The following IMPDH1 variants were observed in gnomAD, a reference collection of about 807,000 sequenced individuals.
IMPDH1 encodes inosine monophosphate dehydrogenase 1.
A neutral mutation model predicts 73.5 loss-of-function variants in IMPDH1; 41 were observed. The observed-to-expected ratio is 0.56, with a 90% CI of 0.43 to 0.72. The LOEUF is 0.72. IMPDH1 is among the 30% of genes least tolerant of loss of function. The pLI, the probability that IMPDH1 is intolerant of heterozygous loss-of-function variation, is 0.00. For missense variants in IMPDH1, 645 were observed against 824.8 expected, an observed-to-expected ratio of 0.78 and a Z score of 2.67; for synonymous variants, 318 against 334.3, an observed-to-expected ratio of 0.95 and a Z score of 0.53.
chr7:128,409,512 C>T, intron 1 of IMPDH1, 28 bp from the exon 2 acceptor site: 2 of 1,613,474 alleles, frequency 1.2e-6, no homozygotes, highest in South Asian at 1.1e-5. Flanking sequence ...GTTTTTACGA[C>T]CTGTTCCCTC....
At chr7:128,405,722 G>A in intron 4 of IMPDH1, 45 bp downstream of exon 4, 2 of 1,515,996 alleles carry the variant, frequency 1.3e-6, no homozygotes, top group South Asian at 2.5e-5. Context: ...CGGGGGTCGC[G>A]GCGCGTGGAT....
chr7:128,404,261 T>G (rs549722848), intron 4 of IMPDH1, among the ~76,000 whole-genome samples: 1 of 152,076 alleles, frequency 6.6e-6, no homozygotes, highest in Non-Finnish European at 1.5e-5. Flanking sequence ...CGGAACAGCA[T>G]GGAGGGACCC....
chr7:128,402,366 A>T (rs1032738411), intron 5 of IMPDH1, among the ~76,000 whole-genome samples: 3 of 152,128 alleles, frequency 2.0e-5, no homozygotes, highest in African/African-American at 7.2e-5. Context: ...GCCTCCCAAA[A>T]TGCTGGGATT....
At position 128,396,911 on chromosome 7, in the gene IMPDH1, G is replaced by T. The variant is rs764633065; in HGVS notation, c.1165+21C>A. The T allele has an allele frequency of 3.2e-6, 5 of 1,567,090 alleles. No homozygotes were observed. In the Admixed American group the frequency reaches 8.3e-5, roughly 26 times the overall value. On this transcript the variant is annotated intron_variant, in intron 11 of 16. Coordinates refer to ENST00000338791, the MANE Select transcript of IMPDH1 (RefSeq NM_000883.4). The surrounding 1 kb of genome is among the most constrained non-coding windows in gnomAD (Gnocchi z 4.0). ...ATTGGAGGGGCAGGAGCAGGCGGGT[G>T]GGAGGCGACCCCGCACTCACCGTTC...
chr7:128,407,413 ACCTCTGAAC>A (rs1344242560), intron 3 of IMPDH1, among the ~76,000 whole-genome samples: 1 of 152,056 alleles, frequency 6.6e-6, no homozygotes, highest in Non-Finnish European at 1.5e-5. Context: ...TGTGGGAAGC[ACCTCTGAAC>A]CTTCAGCATT....
rs182215710 is a variant in IMPDH1, at chr7:128,396,906, C to T, written c.1165+26G>A. The T allele has an allele frequency of 1.4e-5, 21 of 1,538,032 alleles. No homozygotes were observed. The highest frequency in any genetic ancestry group is 1.8e-4 in the Middle Eastern group (1 of 5,502). Reference sequence around the variant, plus strand: ...TACTCATTGGAGGGGCAGGAGCAGGCGGGTGGGAGGCGACCCCGCACTCAC... The same window carrying T: ...TACTCATTGGAGGGGCAGGAGCAGGTGGGTGGGAGGCGACCCCGCACTCAC... On this transcript the variant is annotated intron_variant, in intron 11 of 16. Coordinates refer to ENST00000338791, the MANE Select transcript of IMPDH1 (RefSeq NM_000883.4). The surrounding 1 kb of genome is among the most constrained non-coding windows in gnomAD (Gnocchi z 4.0).
Position 128,394,798 on chromosome 7 carries a change from G to T in IMPDH1, c.1550+91C>A. 2 of 1,515,364 alleles carry T rather than the reference G, an allele frequency of 1.3e-6. No individual in the cohort carries two copies. Among genetic ancestry groups the T allele is most frequent in the Non-Finnish European group, 9.1e-7 (1 of 1,098,952 alleles). 93.9% of individuals were successfully genotyped at this position (1,515,364 alleles called of 1,614,324 possible). On this transcript the variant is annotated intron_variant, in intron 14 of 16. Coordinates refer to ENST00000338791, the MANE Select transcript of IMPDH1 (RefSeq NM_000883.4). The surrounding 1 kb of genome is among the most constrained non-coding windows in gnomAD (Gnocchi z 5.5). ...TCAGTTTCCAGAACCACCATATGGG[G>T]ACTGGCTGCCATCTGGGGAAGTCGG... is the stretch of plus-strand genomic sequence containing the variant.
intron 4 of IMPDH1, 152 bp downstream of exon 4, chr7:128,405,615 G>T: frequency 8.5e-7 from 1 of 1,173,896 alleles, no homozygotes; most frequent in Non-Finnish European, 1.1e-6. Context: ...CTCCGGCGCG[G>T]GCCTCCTTCC....
At position 128,392,846 on chromosome 7, in the gene IMPDH1, G is replaced by A; in HGVS notation, c.*161C>T. 1 of 693,196 alleles carries A rather than the reference G, an allele frequency of 1.4e-6. No individual in the cohort carries two copies. Among genetic ancestry groups the A allele is most frequent in the Non-Finnish European group, 2.5e-6 (1 of 396,528 alleles). The allele number at this position is 693,196 out of a possible 1,614,324, so 42.9% of individuals were successfully genotyped here. On this transcript the variant is annotated 3_prime_UTR_variant, in exon 17 of 17. Coordinates refer to ENST00000338791, the MANE Select transcript of IMPDH1 (RefSeq NM_000883.4). ...TGACTCTGCAGGGGATGCCGAGTGA[G>A]GGGCAGCAGTCCCCTCAGGACCTCC...
At chr7:128,399,752 A>G (rs188137008) in intron 9 of IMPDH1, among the ~76,000 whole-genome samples, 2 of 152,316 alleles carry the variant, frequency 1.3e-5, no homozygotes, top group Non-Finnish European at 2.9e-5. Context: ...AGTGTCAAAT[A>G]AATTTAACTG....
At chr7:128,405,961 C>G in intron 3 of IMPDH1, 96 bp from the exon 4 acceptor site, 1 of 1,152,754 alleles carries the variant, frequency 8.7e-7, no homozygotes, top group Middle Eastern at 3.6e-4. Flanking sequence ...CGCGCCGCGG[C>G]CACGCTGCTG....
At position 128,397,024 on chromosome 7, in the gene IMPDH1, T is replaced by C. The variant is rs1176813933; in HGVS notation, c.1075-2A>G. 1 of 1,611,660 alleles carries C rather than the reference T, an allele frequency of 6.2e-7. No individual in the cohort carries two copies. The highest frequency in any genetic ancestry group is 1.1e-5 in the South Asian group (1 of 91,036). On this transcript the variant is annotated splice_acceptor_variant, in intron 10 of 16. Coordinates refer to ENST00000338791, the MANE Select transcript of IMPDH1 (RefSeq NM_000883.4). LOFTEE classifies it high-confidence loss of function. Reference sequence around the variant, plus strand: ...CACCGAATTCCCTTGGGACGAGTCCTGTGAGAAAGGACGGAAGAGCTTGGG... The same window carrying C: ...CACCGAATTCCCTTGGGACGAGTCCCGTGAGAAAGGACGGAAGAGCTTGGG...
rs1798203504 is a variant in IMPDH1, at chr7:128,400,029, A to C, written c.874+66T>G. 4.0e-6 allele frequency: 5 copies of C among 1,257,668 alleles called. No homozygotes were observed. The South Asian group carries it at 5.9e-5, about 15-fold the overall frequency. The allele number at this position is 1,257,668 out of a possible 1,614,324, so 77.9% of individuals were successfully genotyped here. On this transcript the variant is annotated intron_variant, in intron 9 of 16. Transcript: ENST00000338791. ...GCTGGGATAACCTGTAAGGCTGTGA[A>C]GGAACAACGGGACTGTGGACAGGGA...
Position 128,398,733 on chromosome 7 carries a change from G to C in IMPDH1, c.875-120C>G, listed in dbSNP as rs779881026. 134 of 783,008 alleles carry C rather than the reference G, an allele frequency of 1.7e-4. No individual in the cohort carries two copies. Among genetic ancestry groups the C allele is most frequent in the Non-Finnish European group, 2.5e-4 (114 of 455,774 alleles). 48.5% of individuals were successfully genotyped at this position (783,008 alleles called of 1,614,324 possible). A position where few individuals can be genotyped will look rare whatever the true frequency, so the allele number is the denominator to read the frequency against. ...AGATTCCACTGAAGTACCCCAGTCA[G>C]CCACTAGGTGACAGCACCGCCCCCA... is the stretch of plus-strand genomic sequence containing the variant. On this transcript the variant is annotated intron_variant, in intron 9 of 16. Transcript: ENST00000338791. The surrounding 1 kb of genome is among the most constrained non-coding windows in gnomAD (Gnocchi z 4.3).
At chr7:128,407,506 C>A (rs1798858216) in intron 3 of IMPDH1, among the ~76,000 whole-genome samples, 1 of 152,166 alleles carries the variant, frequency 6.6e-6, no homozygotes, top group Non-Finnish European at 1.5e-5. Context: ...GCACTAGGAC[C>A]TTTCACTGGC....
intron 4 of IMPDH1, among the ~76,000 whole-genome samples, chr7:128,404,435 C>A (rs1562999265): frequency 6.6e-6 from 1 of 152,200 alleles, no homozygotes; most frequent in Non-Finnish European, 1.5e-5. Context: ...GCAAACTCCG[C>A]AAGGGAAGTG....
rs1449662003 is a variant in IMPDH1 at position 128,409,319 on chromosome 7, C to G, written c.224G>C (p.Gly75Ala). The G allele has an allele frequency of 6.2e-7, 1 of 1,614,124 alleles. No individual in the cohort carries two copies. Residue 75 changes from glycine (G) to alanine (A), a missense_variant, in exon 3 of 17, where the codon GGT (glycine) becomes GCT (alanine). Physicochemically the swap from Gly to Ala is moderately conservative, Grantham distance 60 (BLOSUM62 0). Coordinates refer to ENST00000338791, the MANE Select transcript of IMPDH1 (RefSeq NM_000883.4). The stretch of plus-strand genomic sequence containing the variant: ...CCTGCGAAGGCGATCCATCTGGACA[C>G]CAACACCTGCCAGTAAGACCACTGA... ...LSSVVLLAGV[G>A]VQMDRLRRAS...
rs1797947134 is a variant in IMPDH1 at position 128,396,769 on chromosome 7, C to G, written c.1166-74G>C. The G allele has an allele frequency of 3.7e-6, 5 of 1,349,502 alleles. No homozygotes were observed. The highest frequency in any genetic ancestry group is 1.4e-5 in the African/African-American group (1 of 69,118). The allele number at this position is 1,349,502 out of a possible 1,614,324, so 83.6% of individuals were successfully genotyped here. Reference sequence around the variant, plus strand: ...TGCCTGCCCAACAGCCTCTTGGGACCCCAGTCTAGCACCCCCCAACCCCCC... The same window carrying G: ...TGCCTGCCCAACAGCCTCTTGGGACGCCAGTCTAGCACCCCCCAACCCCCC... On this transcript the variant is annotated intron_variant, in intron 11 of 16. Transcript: ENST00000338791. The surrounding 1 kb of genome is among the most constrained non-coding windows in gnomAD (Gnocchi z 4.0).
Position 128,394,701 on chromosome 7 carries a change from A to T in IMPDH1, c.1551-102T>A. 2.7e-6 allele frequency: 4 copies of T among 1,483,104 alleles called. No homozygotes were observed. The highest frequency in any genetic ancestry group is 3.7e-6 in the Non-Finnish European group (4 of 1,076,954). The allele number at this position is 1,483,104 out of a possible 1,614,324, so 91.9% of individuals were successfully genotyped here. Reference sequence around the variant, plus strand: ...GGGATACCGCCCAGGAAGGTCCCCCAGGCCACCCCTCACTGGGCTGAGTCA... The same window carrying T: ...GGGATACCGCCCAGGAAGGTCCCCCTGGCCACCCCTCACTGGGCTGAGTCA... On this transcript the variant is annotated intron_variant, in intron 14 of 16. Coordinates refer to ENST00000338791, the MANE Select transcript of IMPDH1 (RefSeq NM_000883.4). The surrounding 1 kb of genome is among the most constrained non-coding windows in gnomAD (Gnocchi z 5.5).
Sources: allele counts gnomAD v4.1 joint callset (sites outside exome capture counted in the v4.1 genomes callset), GRCh38; gene constraint gnomAD v4.1.1; non-coding constraint Gnocchi (gnomAD v3.1); transcripts MANE v1.5; gene names NCBI Gene and HGNC (gene_info 2026-07-23, HGNC 2026-07-21).